TRPV4: variants seen among roughly 807,000 people sequenced by gnomAD.
TRPV4 encodes transient receptor potential cation channel subfamily V member 4.
Under a neutral mutation model 84.1 loss-of-function variants are expected in TRPV4, and 58 were observed. The ratio of observed to expected loss-of-function variants is 0.69; its 90% CI spans 0.56 to 0.86. TRPV4 has a LOEUF of 0.86. TRPV4 is among the 40% of genes least tolerant of loss of function. TRPV4 has a pLI of 0.00. For missense variants in TRPV4, 879 were observed against 1,181.1 expected (o/e 0.74, Z 3.75); for synonymous variants, 489 against 500.9 (o/e 0.98, Z 0.32).
rs56097017 is a variant in TRPV4 at position 109,783,830 on chromosome 12, G to A, written c.2459-52C>T. Reference sequence around the variant, plus strand: ...GGGTGGGGGTTGGTGGAGAGAGAGCGTGCGTATATTGAGTGCCTACTGTGT... The same window carrying A: ...GGGTGGGGGTTGGTGGAGAGAGAGCATGCGTATATTGAGTGCCTACTGTGT... On this transcript the variant is annotated intron_variant, in intron 15 of 15. Transcript: ENST00000261740. This position sits in a 1 kb window ranked among gnomAD's most constrained non-coding sequence, Gnocchi z 4.6. 21,439 of 1,597,810 alleles carry A rather than the reference G, an allele frequency of 0.013. 243 individuals carry two copies. Among genetic ancestry groups the A allele is most frequent in the African/African-American group, 0.06 (4,501 of 74,832 alleles).
In TRPV4 at chr12:109,798,911, C is replaced by T; in HGVS notation, c.855G>A (p.Gly285=). 6.2e-7 allele frequency: 1 copy of T among 1,609,302 alleles called. No individual in the cohort carries two copies. ...PKDEGGYFYF[G]ELPLSLAACT... is the part of the protein sequence containing the mutation. ...AGGCAGCCAGCGACAGGGGCAGCTCCCCTGCGGGCCAGGGTGAAGGGTGGG... is the reference window on the plus strand; with the variant it reads ...AGGCAGCCAGCGACAGGGGCAGCTCTCCTGCGGGCCAGGGTGAAGGGTGGG... The change falls in exon 6 of 16, where the codon GGG becomes GGA. Residue 285 remains glycine, a splice_region_variant and synonymous_variant. Transcript: ENST00000261740. This position sits in a 1 kb window ranked among gnomAD's most constrained non-coding sequence, Gnocchi z 5.0.
At chr12:109,822,523 C>T (rs536711752) in intron 1 of TRPV4, among the ~76,000 whole-genome samples, 2 of 152,334 alleles carry the variant, frequency 1.3e-5, no homozygotes, top group African/African-American at 4.8e-5. Context: ...AACTGAGGCT[C>T]AGAGAGGCGA....
intron 1 of TRPV4, among the ~76,000 whole-genome samples, chr12:109,823,055 G>T (rs1437623631): frequency 6.6e-6 from 1 of 152,194 alleles, no homozygotes; most frequent in Non-Finnish European, 1.5e-5. Flanking sequence ...GCGGCTGCTG[G>T]GAACAGCCGG....
In TRPV4 at chr12:109,798,986, G is replaced by T; in HGVS notation, c.854-74C>A. The T allele has an allele frequency of 7.0e-7, 1 of 1,422,476 alleles. No homozygotes were observed. 88.1% of individuals were successfully genotyped at this position (1,422,476 alleles called of 1,614,324 possible). On this transcript the variant is annotated intron_variant, in intron 5 of 15. Transcript: ENST00000261740. The surrounding 1 kb of genome is among the most constrained non-coding windows in gnomAD (Gnocchi z 5.0). ...GGGACTCTGCCTGCAGACACTCGGG[G>T]GACGGACACCGTGGCGCTCTGAGGA...
Position 109,798,682 on chromosome 12 carries a change from G to T in TRPV4, c.1084C>A (p.Leu362Met), listed in dbSNP as rs1238768782. The T allele has an allele frequency of 2.0e-5, 32 of 1,613,746 alleles. 1 individual carries two copies. Among genetic ancestry groups the T allele is most frequent in the Non-Finnish European group, 2.7e-5 (32 of 1,180,050 alleles). The change falls in exon 6 of 16, where the codon CTG becomes ATG. Residue 362 changes from leucine to methionine, a missense_variant. Physicochemically the swap from Leu to Met is conservative, Grantham distance 15 (BLOSUM62 2). Coordinates refer to ENST00000261740, the MANE Select transcript of TRPV4 (RefSeq NM_021625.5). The surrounding 1 kb of genome is among the most constrained non-coding windows in gnomAD (Gnocchi z 5.0). ...KCARLFPDSN[L>M]EAVLNNDGLS... is the part of the protein sequence containing the mutation. ...CCGTCGTTGTTGAGCACGGCCTCCA[G>T]GTTGCTGTCGGGGAAGAGGCGGGCA...
intron 11 of TRPV4, 105 bp from the exon 12 acceptor site, chr12:109,792,534 G>T: frequency 6.4e-7 from 1 of 1,570,826 alleles, no homozygotes; most frequent in African/African-American, 1.3e-5. Flanking sequence ...TCCAGACCAT[G>T]CCTCCTGCCC....
Position 109,814,006 on chromosome 12 carries a change from G to C in TRPV4, c.386+405C>G, listed in dbSNP as rs1185280311. Among the ~76,000 whole-genome samples, 1 of 151,986 alleles carries C rather than the reference G, an allele frequency of 6.6e-6. No individual in the cohort carries two copies. Among genetic ancestry groups the C allele is most frequent in the Non-Finnish European group, 1.5e-5 (1 of 67,980 alleles). Reference sequence around the variant, plus strand: ...ATGATGGATGATGGATGGTTGGATAGATGGATAGATGATAGATGGCTGGAT... The same window carrying C: ...ATGATGGATGATGGATGGTTGGATACATGGATAGATGATAGATGGCTGGAT... On this transcript the variant is annotated intron_variant, in intron 2 of 15. Transcript: ENST00000261740. The surrounding 1 kb of genome is among the most constrained non-coding windows in gnomAD (Gnocchi z 5.4).
At chr12:109,805,370 C>A (rs61943776) in intron 3 of TRPV4, among the ~76,000 whole-genome samples, 1 of 152,276 alleles carries the variant, frequency 6.6e-6, no homozygotes, top group East Asian at 1.9e-4. Flanking sequence ...GTTATAGACC[C>A]AGGGAGGGGA....
At chr12:109,787,944 C>T (rs1889791799) in intron 13 of TRPV4, among the ~76,000 whole-genome samples, 1 of 152,216 alleles carries the variant, frequency 6.6e-6, no homozygotes, top group African/African-American at 2.4e-5. Flanking sequence ...GCCCCTGTCC[C>T]CATTGGTTTC....
chr12:109,796,159 G>A lies in TRPV4; in HGVS notation c.1332+366C>T, dbSNP rs1389200088. ...AGCCATTCTAAAATTAACCTCTTTG[G>A]TCCTCCCAAGAACCCCATGGGATAT... On this transcript the variant is annotated intron_variant, in intron 7 of 15. Transcript: ENST00000261740. This position sits in a 1 kb window ranked among gnomAD's most constrained non-coding sequence, Gnocchi z 4.2. Among the ~76,000 whole-genome samples, 2 of 152,020 alleles carry A rather than the reference G, an allele frequency of 1.3e-5. No homozygotes were observed. The highest frequency in any genetic ancestry group is 2.9e-5 in the Non-Finnish European group (2 of 68,002).
chr12:109,815,000 G>A lies in TRPV4; in HGVS notation c.-31-173C>T, dbSNP rs756796023. ...ATGTGGTTGGCCGCCAGCCTCAGGC[G>A]GGAACTGCAACAGGAGCCTCTTTCA... is the stretch of plus-strand genomic sequence containing the variant. On this transcript the variant is annotated intron_variant, in intron 1 of 15. Coordinates refer to ENST00000261740, the MANE Select transcript of TRPV4 (RefSeq NM_021625.5). The surrounding 1 kb of genome is among the most constrained non-coding windows in gnomAD (Gnocchi z 5.4). 12 of 630,970 alleles carry A rather than the reference G, an allele frequency of 1.9e-5. 1 individual carries two copies. Among genetic ancestry groups the A allele is most frequent in the African/African-American group, 3.7e-5 (2 of 54,312 alleles). The allele number at this position is 630,970 out of a possible 1,614,324, so 39.1% of individuals were successfully genotyped here.
intron 1 of TRPV4, among the ~76,000 whole-genome samples, chr12:109,816,344 G>A (rs752669581): frequency 2.4e-4 from 37 of 152,304 alleles, no homozygotes; most frequent in Non-Finnish European, 4.9e-4. Flanking sequence ...TACATGTAGT[G>A]TGATCTTAGG....
In TRPV4 at chr12:109,818,070, G is replaced by A. The variant is rs569585094; in HGVS notation, c.-31-3243C>T. ...TAAGTGACTTGCCTGAGGTCACACAGCAGGTTAGTGACAGAGCCAGGACTG... is the reference window on the plus strand; with the variant it reads ...TAAGTGACTTGCCTGAGGTCACACAACAGGTTAGTGACAGAGCCAGGACTG... On this transcript the variant is annotated intron_variant, in intron 1 of 15. Coordinates refer to ENST00000261740, the MANE Select transcript of TRPV4 (RefSeq NM_021625.5). 3.3e-5 allele frequency among the ~76,000 whole-genome samples: 5 copies of A among 152,062 alleles called. No individual in the cohort carries two copies. In the South Asian group the frequency reaches 8.3e-4, roughly 25 times the overall value.
intron 4 of TRPV4, among the ~76,000 whole-genome samples, chr12:109,802,385 T>C (rs1890845904): frequency 1.3e-5 from 2 of 150,662 alleles, no homozygotes; most frequent in South Asian, 4.2e-4. Flanking sequence ...CACTGCAACC[T>C]CCACCTCCCA....
chr12:109,793,871 G>A lies in TRPV4; in HGVS notation c.1584+59C>T, dbSNP rs1391308965. The A allele has an allele frequency of 4.0e-5, 50 of 1,234,948 alleles. No individual in the cohort carries two copies. Among genetic ancestry groups the A allele is most frequent in the Non-Finnish European group, 5.9e-5 (50 of 849,550 alleles). 76.5% of individuals were successfully genotyped at this position (1,234,948 alleles called of 1,614,324 possible). On this transcript the variant is annotated intron_variant, in intron 9 of 15. Transcript: ENST00000261740. The surrounding 1 kb of genome is among the most constrained non-coding windows in gnomAD (Gnocchi z 4.0). Reference sequence around the variant, plus strand: ...AAGAGAAAAAGAGGGAGAGAAAAGAGGTGCAGGAAGAGAAGAGGAGGGCAG... The same window carrying A: ...AAGAGAAAAAGAGGGAGAGAAAAGAAGTGCAGGAAGAGAAGAGGAGGGCAG...
chr12:109,783,842 A>G lies in TRPV4; in HGVS notation c.2459-64T>C. ...GTGGAGAGAGAGCGTGCGTATATTG[A>G]GTGCCTACTGTGTACTGGGCACTCC... On this transcript the variant is annotated intron_variant, in intron 15 of 15. Coordinates refer to ENST00000261740, the MANE Select transcript of TRPV4 (RefSeq NM_021625.5). The surrounding 1 kb of genome is among the most constrained non-coding windows in gnomAD (Gnocchi z 4.6). 1 of 1,582,992 alleles carries G rather than the reference A, an allele frequency of 6.3e-7. No individual in the cohort carries two copies. The highest frequency in any genetic ancestry group is 8.6e-7 in the Non-Finnish European group (1 of 1,165,142).
chr12:109,800,403 C>A (rs1890695786), intron 5 of TRPV4, among the ~76,000 whole-genome samples: 1 of 81,420 alleles, frequency 1.2e-5, no homozygotes, highest in South Asian at 8.3e-4. Flanking sequence ...GAATCCAGGT[C>A]CATGGTACTC....
At chr12:109,791,120 C>T (rs1440574992) in intron 12 of TRPV4, among the ~76,000 whole-genome samples, 3 of 152,126 alleles carry the variant, frequency 2.0e-5, no homozygotes, top group Non-Finnish European at 4.4e-5. Flanking sequence ...CAGTGGCTCA[C>T]GCCTGTAATC....
At chr12:109,801,104 G>A (rs1890757407) in intron 4 of TRPV4, among the ~76,000 whole-genome samples, 1 of 152,236 alleles carries the variant, frequency 6.6e-6, no homozygotes, top group African/African-American at 2.4e-5. Flanking sequence ...CCTGAGCCCA[G>A]GCGTTTGAGG....
Sources: gnomAD v4.1 joint callset for allele counts (sites outside exome capture counted in the v4.1 genomes callset) on GRCh38, gnomAD v4.1.1 for gene constraint, Gnocchi (gnomAD v3.1) non-coding constraint, MANE v1.5 for transcripts, NCBI Gene and HGNC (gene_info 2026-07-23, HGNC 2026-07-21) for gene names.